The following ST3GAL4 variants were observed in gnomAD, a reference collection of about 807,000 sequenced individuals.
The protein encoded by ST3GAL4 is CMP-N-acetylneuraminate-beta-galactosamide-alpha-2,3-sialyltransferase 4.
In ST3GAL4, 24 loss-of-function variants were observed where a neutral mutation model predicts 42.6. The ratio of observed to expected loss-of-function variants is 0.56; its 90% CI spans 0.41 to 0.79. The LOEUF (loss-of-function observed/expected upper bound fraction) is 0.79, where lower values mean the gene tolerates loss of function less well. ST3GAL4 is among the 30% of genes least tolerant of loss of function. ST3GAL4 has a pLI of 0.00. For missense variants in ST3GAL4, 311 were observed against 430.8 expected (o/e 0.72, Z 2.46); for synonymous variants, 135 against 163.2 (o/e 0.83, Z 1.32).
At chr11:126,413,440 G>T (rs11220481) in intron 9 of ST3GAL4, 65 bp from the exon 10 acceptor site, 2 of 1,588,364 alleles carry the variant, frequency 1.3e-6, no homozygotes, top group Non-Finnish European at 8.6e-7. Context: ...ACTGCAGAGC[G>T]CTGGCAGAGA....
chr11:126,370,968 C>T (rs745964408), intron 1 of ST3GAL4, among the ~76,000 whole-genome samples: 3 of 150,816 alleles, frequency 2.0e-5, no homozygotes, highest in Non-Finnish European at 4.4e-5. Context: ...GTGCCTGGCC[C>T]TCGTTCTTTT....
Position 126,400,604 on chromosome 11 carries a change from G to T in ST3GAL4, c.-60-5492G>T, listed in dbSNP as rs895350274. Among the ~76,000 whole-genome samples the T allele has an allele frequency of 3.3e-5, 5 of 152,312 alleles. No homozygotes were observed. The highest frequency in any genetic ancestry group is 2.1e-4 in the South Asian group (1 of 4,820). ...GGGGCCTGGTTACCTAAGGGACCTT[G>T]GCTTCATGTAAGGAGTGCGGAGTGA... On this transcript the variant is annotated intron_variant, in intron 1 of 10. Transcript: ENST00000444328. The surrounding 1 kb of genome is among the most constrained non-coding windows in gnomAD (Gnocchi z 4.6).
chr11:126,408,533 G>A lies in ST3GAL4; in HGVS notation c.627+37G>A, dbSNP rs187738728. 146 of 1,609,128 alleles carry A rather than the reference G, an allele frequency of 9.1e-5. No homozygotes were observed. The African/African-American group carries it at 1.1e-3, about 12-fold the overall frequency. On this transcript the variant is annotated intron_variant, in intron 8 of 10. Coordinates refer to ENST00000444328, the MANE Select transcript of ST3GAL4 (RefSeq NM_001254757.2). ...GACAGACTGGGGGCTGAGGCCTGGC[G>A]GTGGGGACGCTGCCCGAGTCAGGAC...
rs1158853867 is a variant in ST3GAL4 at position 126,391,793 on chromosome 11, A to G, written c.-60-14303A>G. On this transcript the variant is annotated intron_variant, in intron 1 of 10. Transcript: ENST00000444328. This position sits in a 1 kb window ranked among gnomAD's most constrained non-coding sequence, Gnocchi z 5.5. ...AGCGCTTGAATTGAGAGGGGCTGCC[A>G]TGTGTCTGGGGAGGGCAGAACCCAG... Among the ~76,000 whole-genome samples the G allele has an allele frequency of 2.0e-5, 3 of 152,096 alleles. No individual in the cohort carries two copies. The highest frequency in any genetic ancestry group is 6.6e-5 in the Admixed American group (1 of 15,262).
rs1049496 is a variant in ST3GAL4 at position 126,414,514 on chromosome 11, G to C, written c.*467G>C. On this transcript the variant is annotated 3_prime_UTR_variant, in exon 11 of 11. Coordinates refer to ENST00000444328, the MANE Select transcript of ST3GAL4 (RefSeq NM_001254757.2). Reference sequence around the variant, plus strand: ...ATTGGGAATGGGTGGGTGCCCTCCAGAGAGGGGCTGCTACCTCCCAGCAGG... The same window carrying C: ...ATTGGGAATGGGTGGGTGCCCTCCACAGAGGGGCTGCTACCTCCCAGCAGG... 5.9e-6 allele frequency: 1 copy of C among 168,908 alleles called. No homozygotes were observed. The highest frequency in any genetic ancestry group is 1.3e-5 in the Non-Finnish European group (1 of 77,728). 10.5% of individuals were successfully genotyped at this position (168,908 alleles called of 1,614,324 possible).
Position 126,407,134 on chromosome 11 carries a change from T to G in ST3GAL4, c.182+111T>G, listed in dbSNP as rs1376496975. ...GAGCAGCTGTGTTGGTGGACATGGG[T>G]TAGGTGAAGCCAGGGAGGGAAGAGA... On this transcript the variant is annotated intron_variant, in intron 4 of 10. Transcript: ENST00000444328. 9 of 1,465,186 alleles carry G rather than the reference T, an allele frequency of 6.1e-6. No homozygotes were observed. In the East Asian group the frequency reaches 2.0e-4, roughly 33 times the overall value. 90.8% of individuals were successfully genotyped at this position (1,465,186 alleles called of 1,614,324 possible).
At position 126,392,597 on chromosome 11, in the gene ST3GAL4, T is replaced by G. The variant is rs533013423; in HGVS notation, c.-60-13499T>G. Among the ~76,000 whole-genome samples the G allele has an allele frequency of 3.5e-4, 53 of 152,350 alleles. No individual in the cohort carries two copies. Among genetic ancestry groups the G allele is most frequent in the African/African-American group, 1.2e-3 (48 of 41,586 alleles). On this transcript the variant is annotated intron_variant, in intron 1 of 10. Transcript: ENST00000444328. This position sits in a 1 kb window ranked among gnomAD's most constrained non-coding sequence, Gnocchi z 5.8. ...AACTTGCTGCTCACAGTCATCTTAT[T>G]GTTTGCTGATGAATTCAGACCTCCA...
intron 8 of ST3GAL4, 105 bp downstream of exon 8, chr11:126,408,601 TGA>T (rs1319473242): frequency 2.9e-6 from 4 of 1,370,808 alleles, no homozygotes; most frequent in Non-Finnish European, 4.0e-6. Flanking sequence ...AAAGAGGCTG[TGA>T]GGGGACAGCA....
At chr11:126,399,081 C>T (rs1953895897) in intron 1 of ST3GAL4, among the ~76,000 whole-genome samples, 1 of 152,124 alleles carries the variant, frequency 6.6e-6, no homozygotes, top group African/African-American at 2.4e-5. Flanking sequence ...TCTTATTGTA[C>T]TAATCTCCTT....
Position 126,384,692 on chromosome 11 carries a change from C to T in ST3GAL4, c.-60-21404C>T. The T allele has an allele frequency of 1.0e-6, 1 of 985,376 alleles. No homozygotes were observed. The highest frequency in any genetic ancestry group is 1.2e-6 in the Non-Finnish European group (1 of 829,914). The allele number at this position is 985,376 out of a possible 1,614,324, so 61.0% of individuals were successfully genotyped here. ...GAGCCACCTCCCTAGGGGCCTCCTC[C>T]CCCTCCCCTTCTGCATGCCACCACA... On this transcript the variant is annotated intron_variant, in intron 1 of 10. Coordinates refer to ENST00000444328, the MANE Select transcript of ST3GAL4 (RefSeq NM_001254757.2). The surrounding 1 kb of genome is among the most constrained non-coding windows in gnomAD (Gnocchi z 5.5).
intron 1 of ST3GAL4, chr11:126,403,468 T>G (rs781569729): frequency 3.6e-4 from 353 of 984,482 alleles, no homozygotes; most frequent in Non-Finnish European, 3.9e-4. Context: ...CCAGGCTGCA[T>G]TTTAGAATCA....
Position 126,409,190 on chromosome 11 carries a change from G to T in ST3GAL4, c.628-78G>T. 1 of 1,574,938 alleles carries T rather than the reference G, an allele frequency of 6.3e-7. No homozygotes were observed. The highest frequency in any genetic ancestry group is 1.7e-4 in the Middle Eastern group (1 of 5,900). On this transcript the variant is annotated intron_variant, in intron 8 of 10. Coordinates refer to ENST00000444328, the MANE Select transcript of ST3GAL4 (RefSeq NM_001254757.2). The surrounding 1 kb of genome is among the most constrained non-coding windows in gnomAD (Gnocchi z 4.9). ...GCCATCGCTTGGACCCCCTCGCCTC[G>T]CTGAGGACCACTGGGTTGGATTTGA...
At chr11:126,404,879 T>C (rs868859014) in intron 1 of ST3GAL4, among the ~76,000 whole-genome samples, 1 of 152,222 alleles carries the variant, frequency 6.6e-6, no homozygotes, top group East Asian at 1.9e-4. Context: ...GACTCCACCA[T>C]AGGACAGGGC....
rs1024661137 is a variant in ST3GAL4, at chr11:126,355,715, A to G, written c.-188A>G. 2 of 150,718 alleles carry G rather than the reference A, an allele frequency of 1.3e-5. No individual in the cohort carries two copies. Among genetic ancestry groups the G allele is most frequent in the African/African-American group, 4.9e-5 (2 of 41,008 alleles). The allele number at this position is 150,718 out of a possible 1,614,324, so 9.3% of individuals were successfully genotyped here. On this transcript the variant is annotated 5_prime_UTR_variant, in exon 1 of 11. Transcript: ENST00000444328. The surrounding 1 kb of genome is among the most constrained non-coding windows in gnomAD (Gnocchi z 7.1). ...GCGGACTCGCCCGCTCCCAGGCCGG[A>G]CCCGCGCCCGGGACAGGGACCCGGC...
Position 126,359,118 on chromosome 11 carries a change from T to C in ST3GAL4, c.-61+3276T>C, listed in dbSNP as rs963072128. Among the ~76,000 whole-genome samples the C allele has an allele frequency of 1.3e-5, 2 of 152,134 alleles. No homozygotes were observed. The highest frequency in any genetic ancestry group is 2.4e-5 in the African/African-American group (1 of 41,434). ...GCCCCAAAGAGTGCTGGGACCAGTTTGGAGAGTGCTAAGGAATGCTGGTCT... is the reference window on the plus strand; with the variant it reads ...GCCCCAAAGAGTGCTGGGACCAGTTCGGAGAGTGCTAAGGAATGCTGGTCT... On this transcript the variant is annotated intron_variant, in intron 1 of 10. Transcript: ENST00000444328. The surrounding 1 kb of genome is among the most constrained non-coding windows in gnomAD (Gnocchi z 4.8).
Position 126,378,521 on chromosome 11 carries a change from G to T in ST3GAL4, c.-61+22679G>T, listed in dbSNP as rs893941654. 2.0e-5 allele frequency among the ~76,000 whole-genome samples: 3 copies of T among 152,080 alleles called. No homozygotes were observed. The highest frequency in any genetic ancestry group is 1.9e-4 in the East Asian group (1 of 5,194). ...CTTCCCGGGTTCATGCGATTCTCCT[G>T]CCTCAGCCTCCCAAGTAGCTGGGAC... On this transcript the variant is annotated intron_variant, in intron 1 of 10. Coordinates refer to ENST00000444328, the MANE Select transcript of ST3GAL4 (RefSeq NM_001254757.2). This position sits in a 1 kb window ranked among gnomAD's most constrained non-coding sequence, Gnocchi z 5.3.
At chr11:126,407,096 G>T in intron 4 of ST3GAL4, 73 bp downstream of exon 4, 5 of 1,518,562 alleles carry the variant, frequency 3.3e-6, no homozygotes, top group Non-Finnish European at 4.6e-6. Flanking sequence ...ACAGTGTGGG[G>T]AGTAGATGGA....
At chr11:126,405,120 T>C (rs1410938957) in intron 1 of ST3GAL4, among the ~76,000 whole-genome samples, 1 of 152,190 alleles carries the variant, frequency 6.6e-6, no homozygotes, top group Non-Finnish European at 1.5e-5. Flanking sequence ...TGAAATGTAT[T>C]TTTAGGAAGT....
chr11:126,367,607 G>A (rs1376077337), intron 1 of ST3GAL4, among the ~76,000 whole-genome samples: 1 of 152,174 alleles, frequency 6.6e-6, no homozygotes, highest in Non-Finnish European at 1.5e-5. Flanking sequence ...GTGTTTTGAG[G>A]CTCAGGACAC....
Sources: allele counts gnomAD v4.1 joint callset (sites outside exome capture counted in the v4.1 genomes callset), GRCh38; gene constraint gnomAD v4.1.1; non-coding constraint Gnocchi (gnomAD v3.1); transcripts MANE v1.5; gene names NCBI Gene and HGNC (gene_info 2026-07-23, HGNC 2026-07-21).